Variants in MAPKAPK3 observed in about 807,000 individuals in gnomAD.
MAPKAPK3 encodes the protein MAPK activated protein kinase 3, also known as MAP kinase-activated protein kinase 3.
A neutral mutation model predicts 49.2 loss-of-function variants in MAPKAPK3; 35 were observed. The ratio of observed to expected loss-of-function variants is 0.71; its 90% confidence interval spans 0.54 to 0.94. The LOEUF is 0.94. Ranked by LOEUF, MAPKAPK3 falls within the 40% of genes least tolerant of loss-of-function variation. MAPKAPK3 has a pLI of 0.00. For missense variants in MAPKAPK3, 398 were observed against 493.1 expected, an observed-to-expected ratio of 0.81 and a Z score of 1.83; for synonymous variants, 178 against 188.7, an observed-to-expected ratio of 0.94 and a Z score of 0.46.
chr3:50,640,110 G>A (rs946877062), intron 2 of MAPKAPK3, among the ~76,000 whole-genome samples: 7 of 152,140 alleles, frequency 4.6e-5, no homozygotes, highest in African/African-American at 1.7e-4. Flanking sequence ...TGGCCTCTGA[G>A]CCCCTCGAAG....
chr3:50,630,852 G>T (rs1192105236), intron 2 of MAPKAPK3, among the ~76,000 whole-genome samples: 2 of 152,222 alleles, frequency 1.3e-5, no homozygotes, highest in Non-Finnish European at 2.9e-5. Flanking sequence ...GTAGAAGGGC[G>T]CTGCTGATCC....
At chr3:50,623,604 C>G (rs1385509821) in intron 2 of MAPKAPK3, among the ~76,000 whole-genome samples, 1 of 152,236 alleles carries the variant, frequency 6.6e-6, no homozygotes, top group Non-Finnish European at 1.5e-5. Flanking sequence ...CGGGCCCTGT[C>G]CACAGTGCAC....
At chr3:50,611,711 A>G, upstream of MAPKAPK3, 1 of 1,438,516 alleles carries the variant, frequency 7.0e-7, no homozygotes. Context: ...GGCTGGAGGG[A>G]ACCAGTGGGC....
chr3:50,631,455 G>A (rs1052259902), intron 2 of MAPKAPK3, among the ~76,000 whole-genome samples: 1 of 152,234 alleles, frequency 6.6e-6, no homozygotes, highest in African/African-American at 2.4e-5. Flanking sequence ...TCCCTGCAGA[G>A]CAGAGGCTGA....
At position 50,640,366 on chromosome 3, in the gene MAPKAPK3, C is replaced by G; in HGVS notation, c.220C>G (p.Leu74Val). 1.2e-6 allele frequency: 2 copies of G among 1,612,924 alleles called. No individual in the cohort carries two copies. Among genetic ancestry groups the G allele is most frequent in the Non-Finnish European group, 1.7e-6 (2 of 1,179,296 alleles). The change falls in exon 3 of 11, where the codon CTC (leucine) becomes GTC (valine). Residue 74 changes from leucine to valine, a missense_variant and splice_region_variant. This residue lies in a region of MAPKAPK3 where 123 missense variants were observed against 117.7 expected (regional missense o/e 1.04). Transcript: ENST00000621469. ...ACTTTCTATGTGCACCCACCTACAGCTCCTGTATGACAGCCCCAAGGCCCG... is the reference window on the plus strand; with the variant it reads ...ACTTTCTATGTGCACCCACCTACAGGTCCTGTATGACAGCCCCAAGGCCCG... ...RRTGQKCALKLLYDSPKARQE... is the reference protein window; with the variant it reads ...RRTGQKCALKVLYDSPKARQE...
chr3:50,618,777 C>T (rs893802552), intron 2 of MAPKAPK3, among the ~76,000 whole-genome samples: 10 of 152,170 alleles, frequency 6.6e-5, no homozygotes, highest in African/African-American at 2.2e-4. Flanking sequence ...GCAACCTCCA[C>T]CTCCCAGGTT....
intron 2 of MAPKAPK3, among the ~76,000 whole-genome samples, chr3:50,620,546 C>T (rs767368065): frequency 2.6e-5 from 4 of 152,228 alleles, no homozygotes; most frequent in African/African-American, 4.8e-5. Flanking sequence ...TCAGCAAACA[C>T]TCATAAAACA....
At position 50,648,003 on chromosome 3, in the gene MAPKAPK3, A is replaced by G. The variant is rs2033346811; in HGVS notation, c.1106A>G (p.Gln369Arg). ...CTCCTCAACAAGAGGAGAAAAAAGC[A>G]GGCAGGCAGCTCCTCTGCCTCACAG... ...NRLLNKRRKK[Q>R]AGSSSASQGC... Residue 369 changes from glutamine to arginine, a missense_variant, in exon 11 of 11, where the codon CAG (glutamine) becomes CGG (arginine). Transcript: ENST00000621469. The G allele has an allele frequency of 2.5e-6, 4 of 1,613,852 alleles. No homozygotes were observed. The highest frequency in any genetic ancestry group is 3.4e-6 in the Non-Finnish European group (4 of 1,180,002).
At position 50,648,300 on chromosome 3, in the gene MAPKAPK3, T is replaced by G; in HGVS notation, c.*254T>G. On this transcript the variant is annotated 3_prime_UTR_variant, in exon 11 of 11. Transcript: ENST00000621469. ...CTGCCTGCTGCCATAGCAGCACCTT[T>G]AGCTAGGTTGGCCCGAGTGAGGCCT... The G allele has an allele frequency of 2.3e-6, 1 of 436,910 alleles. No homozygotes were observed. The allele number at this position is 436,910 out of a possible 1,614,324, so 27.1% of individuals were successfully genotyped here.
At chr3:50,644,788 C>T (rs771369041) in intron 6 of MAPKAPK3, among the ~76,000 whole-genome samples, 8 of 152,208 alleles carry the variant, frequency 5.3e-5, no homozygotes, top group African/African-American at 1.2e-4. Flanking sequence ...ATCACAGCAG[C>T]TCTAAATATA....
chr3:50,647,305 T>C (rs2033327413), intron 10 of MAPKAPK3, 102 bp downstream of exon 10: 1 of 896,590 alleles, frequency 1.1e-6, no homozygotes, highest in South Asian at 1.5e-5. Flanking sequence ...GGCCCCTTTC[T>C]ATACCTGGAG....
intron 5 of MAPKAPK3, among the ~76,000 whole-genome samples, chr3:50,643,160 G>A (rs1025459256): frequency 1.3e-5 from 2 of 152,222 alleles, no homozygotes; most frequent in African/African-American, 4.8e-5. Flanking sequence ...CCCTGTTGCG[G>A]CTTTTGTGAA....
chr3:50,645,658 G>A lies in MAPKAPK3; in HGVS notation c.629-52G>A, dbSNP rs1462448194. ...TTGCCCAGGCTTTAGGCTCCTGCCT[G>A]GGCTCCAAGACCCTTGGGTCTGAGA... On this transcript the variant is annotated intron_variant, in intron 6 of 10. Coordinates refer to ENST00000621469, the MANE Select transcript of MAPKAPK3 (RefSeq NM_001243925.2). 5.4e-6 allele frequency: 8 copies of A among 1,494,780 alleles called. No homozygotes were observed. The African/African-American group carries it at 1.1e-4, about 21-fold the overall frequency. 92.6% of individuals were successfully genotyped at this position (1,494,780 alleles called of 1,614,324 possible).
chr3:50,627,038 G>A (rs1482947863), intron 2 of MAPKAPK3, among the ~76,000 whole-genome samples: 1 of 152,124 alleles, frequency 6.6e-6, no homozygotes, highest in Non-Finnish European at 1.5e-5. Context: ...AGAAAAATTA[G>A]CTGGGTGAGG....
intron 2 of MAPKAPK3, among the ~76,000 whole-genome samples, chr3:50,630,035 TGCCCCCCATCAGGTGTCCTGGCC>T (rs1346919242): frequency 3.3e-5 from 5 of 152,242 alleles, no homozygotes. Flanking sequence ...GCTGCCACCC[TGCCCCCCATCAGGTGTCCTGGCC>T]TTGGCCTAGA....
intron 2 of MAPKAPK3, among the ~76,000 whole-genome samples, chr3:50,628,744 G>C (rs996029141): frequency 6.6e-6 from 1 of 152,146 alleles, no homozygotes; most frequent in African/African-American, 2.4e-5. Flanking sequence ...TAGAACCTCT[G>C]GGGGAGGGGA....
chr3:50,614,526 TGTGTGTGTG>T (rs1261997377), upstream of MAPKAPK3, among the ~76,000 whole-genome samples: 1 of 151,770 alleles, frequency 6.6e-6, no homozygotes, highest in Non-Finnish European at 1.5e-5. Flanking sequence ...TGTGTGTGTG[TGTGTGTGTG>T]TGTGTGTAGG....
intron 2 of MAPKAPK3, among the ~76,000 whole-genome samples, chr3:50,621,440 A>G (rs2032606085): frequency 1.3e-5 from 2 of 151,950 alleles, no homozygotes; most frequent in African/African-American, 4.8e-5. Flanking sequence ...AAAAATAAAA[A>G]TACAAAAATT....
At chr3:50,647,393 G>A (rs1331443756) in intron 10 of MAPKAPK3, among the ~76,000 whole-genome samples, 190 bp downstream of exon 10, 1 of 152,224 alleles carries the variant, frequency 6.6e-6, no homozygotes, top group Admixed American at 6.5e-5. Context: ...ATTCAGTGTG[G>A]TGCTCCTGGC....
Sources: allele counts gnomAD v4.1 joint callset (sites outside exome capture counted in the v4.1 genomes callset), GRCh38; gene constraint gnomAD v4.1.1; regional missense constraint gnomAD v4.1.1; transcripts MANE v1.5; gene names NCBI Gene and HGNC (gene_info 2026-07-23, HGNC 2026-07-21).